CA1: variants seen among roughly 807,000 people sequenced by gnomAD.
CA1 encodes carbonic anhydrase 1, also known as carbonate dehydratase I.
A neutral mutation model predicts 28.8 loss-of-function variants in CA1; 27 were observed. The ratio of observed to expected loss-of-function variants is 0.94; its 90% CI spans 0.69 to 1.29. The LOEUF (loss-of-function observed/expected upper bound fraction) is 1.29. Among genes scored for constraint, CA1 ranks in the 50% most tolerant of loss-of-function variants. The pLI is 0.00. For synonymous variants in CA1, 121 were observed against 108.8 expected (o/e 1.11, Z -0.70); for missense variants, 335 against 310.5 (o/e 1.08, Z -0.59).
At chr8:85,331,775 T>G (rs142523883) in intron 6 of CA1, among the ~76,000 whole-genome samples, 297 of 152,172 alleles carry the variant, frequency 2.0e-3, no homozygotes, top group African/African-American at 6.9e-3. Flanking sequence ...TTCTTTCTTA[T>G]TTTATTCTTT....
chr8:85,350,226 A>G (rs1431239442), intron 1 of CA1, among the ~76,000 whole-genome samples: 1 of 152,208 alleles, frequency 6.6e-6, no homozygotes, highest in Non-Finnish European at 1.5e-5. Context: ...GATGTTTGAT[A>G]TCACGTAACT....
At chr8:85,337,161 A>C in intron 3 of CA1, 98 bp from the exon 4 acceptor site, 1 of 789,070 alleles carries the variant, frequency 1.3e-6, no homozygotes, top group East Asian at 2.5e-5. Context: ...ATTGAGTAGA[A>C]GTGAAAACAA....
intron 1 of CA1, among the ~76,000 whole-genome samples, chr8:85,370,434 A>T (rs542368552): frequency 2.0e-3 from 305 of 152,072 alleles, no homozygotes; most frequent in Non-Finnish European, 3.7e-3. Context: ...GGAGTTTTTT[A>T]AAAAAAACTT....
At chr8:85,365,973 G>A (rs1334020175) in intron 1 of CA1, among the ~76,000 whole-genome samples, 1 of 152,120 alleles carries the variant, frequency 6.6e-6, no homozygotes, top group African/African-American at 2.4e-5. Context: ...CTCCCTGAGT[G>A]GGTGCAATCA....
At chr8:85,364,891 G>A (rs1276946227) in intron 1 of CA1, among the ~76,000 whole-genome samples, 2 of 152,206 alleles carry the variant, frequency 1.3e-5, no homozygotes, top group Admixed American at 6.5e-5. Flanking sequence ...GCCAGCTGAG[G>A]GGCACGTGGA....
chr8:85,345,338 C>T (rs1809135224), intron 1 of CA1, among the ~76,000 whole-genome samples: 1 of 152,164 alleles, frequency 6.6e-6, no homozygotes. Context: ...TTCCTGAACT[C>T]CAAATTCACA....
At chr8:85,372,656 C>G (rs1179795531) in intron 1 of CA1, among the ~76,000 whole-genome samples, 1 of 152,162 alleles carries the variant, frequency 6.6e-6, no homozygotes, top group Admixed American at 6.6e-5. Flanking sequence ...TTGCTTTCCT[C>G]TGTTTCAGTT....
At chr8:85,332,677 G>T in intron 5 of CA1, 125 bp from the exon 6 acceptor site, 1 of 727,350 alleles carries the variant, frequency 1.4e-6, no homozygotes, top group Non-Finnish European at 2.4e-6. Context: ...CTCTGCTTTA[G>T]AAGGGGAGAT....
At chr8:85,368,401 C>T (rs753735948) in intron 1 of CA1, among the ~76,000 whole-genome samples, 67 of 151,974 alleles carry the variant, frequency 4.4e-4, no homozygotes, top group Admixed American at 3.0e-3. Context: ...AACTCCTGAC[C>T]TCATGATCTG....
At chr8:85,333,450 G>A in intron 5 of CA1, 75 bp downstream of exon 5, 1 of 882,332 alleles carries the variant, frequency 1.1e-6, no homozygotes, top group Non-Finnish European at 1.9e-6. Flanking sequence ...AATATATGTT[G>A]CCTTATTTCC....
At chr8:85,328,993 C>T (rs1323845443) in intron 7 of CA1, among the ~76,000 whole-genome samples, 1 of 151,970 alleles carries the variant, frequency 6.6e-6, no homozygotes, top group Non-Finnish European at 1.5e-5. Context: ...GTACGTTGGG[C>T]GAGCGACTTA....
chr8:85,349,126 A>G (rs1809311233), intron 1 of CA1, among the ~76,000 whole-genome samples: 1 of 152,346 alleles, frequency 6.6e-6, no homozygotes, highest in South Asian at 2.1e-4. Flanking sequence ...TACACTAAGG[A>G]CACAACAGGT....
In CA1 at chr8:85,352,575, G is replaced by T. The variant is rs192218291; in HGVS notation, c.-24-10916C>A. On this transcript the variant is annotated intron_variant, in intron 1 of 7. Coordinates refer to ENST00000523022, the MANE Select transcript of CA1 (RefSeq NM_001128831.4). ...TGACCTTGCCTTTGACCTGTGGTTG[G>T]TCTTATTTCACAGCCACTGACTGCT... Among the ~76,000 whole-genome samples, 678 of 151,996 alleles carry T rather than the reference G, an allele frequency of 4.5e-3. 7 individuals are homozygous for T. Among genetic ancestry groups the T allele is most frequent in the African/African-American group, 0.015 (635 of 41,456 alleles).
At chr8:85,352,145 T>TC (rs1809433708) in intron 1 of CA1, among the ~76,000 whole-genome samples, 1 of 152,178 alleles carries the variant, frequency 6.6e-6, no homozygotes, top group Admixed American at 6.5e-5. Flanking sequence ...AAACACCAGG[T>TC]CTGCATCCAA....
At chr8:85,362,555 G>A (rs1809839194) in intron 1 of CA1, among the ~76,000 whole-genome samples, 1 of 152,130 alleles carries the variant, frequency 6.6e-6, no homozygotes, top group Admixed American at 6.5e-5. Flanking sequence ...GGCATATTTT[G>A]AGGGGATGGG....
In CA1 at chr8:85,330,098, G is replaced by T. The variant is rs191791197; in HGVS notation, c.514-254C>A. Among the ~76,000 whole-genome samples the T allele has an allele frequency of 2.0e-5, 3 of 152,144 alleles. No individual in the cohort carries two copies. In the East Asian group the frequency reaches 5.8e-4, roughly 29 times the overall value. On this transcript the variant is annotated intron_variant, in intron 6 of 7. Coordinates refer to ENST00000523022, the MANE Select transcript of CA1 (RefSeq NM_001128831.4). Reference sequence around the variant, plus strand: ...AGACGTCTTCCTTCTTCATTTGGTTGCAGATAAGCAAAGATTCAAAAATCT... The same window carrying T: ...AGACGTCTTCCTTCTTCATTTGGTTTCAGATAAGCAAAGATTCAAAAATCT...
intron 1 of CA1, among the ~76,000 whole-genome samples, chr8:85,367,202 G>A (rs1810040900): frequency 6.6e-6 from 1 of 151,948 alleles, no homozygotes; most frequent in Non-Finnish European, 1.5e-5. Flanking sequence ...GTTTATAAGA[G>A]GAAAAGAACG....
In CA1 at chr8:85,329,712, T is replaced by C; in HGVS notation, c.646A>G (p.Ser216Gly). 6 of 1,611,024 alleles carry C rather than the reference T, an allele frequency of 3.7e-6. No homozygotes were observed. The highest frequency in any genetic ancestry group is 5.1e-6 in the Non-Finnish European group (6 of 1,178,406). ...ACCTGCTCTGAGCTGACACTGATGC[T>C]CTCCTTACAGATGATCCAAGTTACA... ...ESVTWIICKE[S>G]ISVSSEQLAQ... Residue 216 changes from serine (S) to glycine (G), a missense_variant, in exon 7 of 8, where the codon AGC (serine) becomes GGC (glycine). Transcript: ENST00000523022.
chr8:85,360,048 C>A (rs1809736318), intron 1 of CA1, among the ~76,000 whole-genome samples: 1 of 152,178 alleles, frequency 6.6e-6, no homozygotes, highest in East Asian at 1.9e-4. Flanking sequence ...AAGCTATGGA[C>A]ATATAGAAAG....
Sources: allele counts gnomAD v4.1 joint callset (sites outside exome capture counted in the v4.1 genomes callset), GRCh38; gene constraint gnomAD v4.1.1; transcripts MANE v1.5; gene names NCBI Gene and HGNC (gene_info 2026-07-23, HGNC 2026-07-21).